The following ARHGAP23 variants were observed in gnomAD, a reference collection of about 807,000 sequenced individuals.
ARHGAP23 encodes Rho GTPase activating protein 23, also known as rho GTPase-activating protein 23.
ARHGAP23 carries 34 observed loss-of-function variants against 136.3 expected under a neutral mutation model. That is an observed-to-expected ratio of 0.25 (90% CI 0.19 to 0.33). The LOEUF is 0.33. ARHGAP23 is among the 10% of genes least tolerant of loss of function. The pLI is 1.00. For missense variants in ARHGAP23, 1,808 were observed against 2,139.0 expected, an observed-to-expected ratio of 0.85 and a Z score of 3.05; for synonymous variants, 832 against 920.5, an observed-to-expected ratio of 0.90 and a Z score of 1.74.
At chr17:38,432,946 A>G (rs2038716861) in intron 1 of ARHGAP23, among the ~76,000 whole-genome samples, 2 of 152,154 alleles carry the variant, frequency 1.3e-5, no homozygotes, top group Admixed American at 6.5e-5. Flanking sequence ...TCATTGTTTT[A>G]GCCTCGGCTT....
chr17:38,435,302 G>GGAGA (rs58034328), intron 1 of ARHGAP23, among the ~76,000 whole-genome samples: 24,815 of 151,936 alleles, frequency 0.16, 6,348 homozygotes, highest in African/African-American at 0.55. Flanking sequence ...GTGGGAGGAG[G>GGAGA]AAGGGGCCTC....
chr17:38,502,170 G>A lies in ARHGAP23; in HGVS notation c.3447+1542G>A, dbSNP rs542360730. On this transcript the variant is annotated intron_variant, in intron 23 of 23. Transcript: ENST00000622683. ...AATACAAAAAAATTAGCTGGGTGTG[G>A]TGGCATGCGCCTGTAATCCCAGCTA... Among the ~76,000 whole-genome samples, 6 of 152,282 alleles carry A rather than the reference G, an allele frequency of 3.9e-5. No homozygotes were observed. In the South Asian group the frequency reaches 1.2e-3, roughly 32 times the overall value.
chr17:38,490,469 A>C lies in ARHGAP23; in HGVS notation c.3068A>C (p.Asp1023Ala). Reference sequence around the variant, plus strand: ...CTCCTCTCTCCTGCTCAGATCCGGGATCTCCCAGGACACTACTATGAAACG... The same window carrying C: ...CTCCTCTCTCCTGCTCAGATCCGGGCTCTCCCAGGACACTACTATGAAACG... ...RMRTLRKLIR[D>A]LPGHYYETLK... Residue 1023 changes from aspartate to alanine, a missense_variant, in exon 19 of 24, where the codon GAT (aspartate) becomes GCT (alanine). Asp to Ala is a moderately radical substitution (Grantham distance 126). This residue lies in a region of ARHGAP23 where 105 missense variants were observed against 200.6 expected (regional missense o/e 0.52). Coordinates refer to ENST00000622683, the MANE Select transcript of ARHGAP23 (RefSeq NM_001199417.2). The C allele has an allele frequency of 6.5e-7, 1 of 1,548,308 alleles. No individual in the cohort carries two copies. The highest frequency in any genetic ancestry group is 2.4e-5 in the East Asian group (1 of 40,904).
Position 38,460,811 on chromosome 17 carries a change from G to A in ARHGAP23, c.226-94G>A, listed in dbSNP as rs993748251. ...TACTTGGGAGGAGATAAGGGGTGGC[G>A]GGAACCTGAAGGGGCCCTGCCCACT... On this transcript the variant is annotated intron_variant, in intron 2 of 23. Transcript: ENST00000622683. The A allele has an allele frequency of 5.9e-6, 9 of 1,535,072 alleles. No individual in the cohort carries two copies. The African/African-American group carries it at 6.8e-5, about 12-fold the overall frequency.
chr17:38,467,461 G>C (rs1041144134), intron 7 of ARHGAP23, 130 bp downstream of exon 7: 13 of 771,726 alleles, frequency 1.7e-5, no homozygotes, highest in Non-Finnish European at 2.6e-5. Context: ...TTGTTTCTCT[G>C]TCAATTCATT....
intron 3 of ARHGAP23, 112 bp downstream of exon 3, chr17:38,461,044 CT>C: frequency 6.8e-7 from 1 of 1,472,038 alleles, no homozygotes; most frequent in Admixed American, 2.2e-5. Flanking sequence ...CCTCCCTTGA[CT>C]CCTGTTCCTG....
At chr17:38,444,209 G>C (rs527997055) in intron 1 of ARHGAP23, among the ~76,000 whole-genome samples, 1 of 152,108 alleles carries the variant, frequency 6.6e-6, no homozygotes, top group African/African-American at 2.4e-5. Flanking sequence ...GGGGAGCGAG[G>C]TTGAGGGAAT....
chr17:38,479,045 C>T (rs1410451075), intron 12 of ARHGAP23, among the ~76,000 whole-genome samples: 1 of 152,200 alleles, frequency 6.6e-6, no homozygotes, highest in Admixed American at 6.5e-5. Flanking sequence ...GGGGGCCTCT[C>T]TTGGCTGTCC....
At position 38,510,851 on chromosome 17, in the gene ARHGAP23, C is replaced by T; in HGVS notation, c.4355C>T (p.Ser1452Phe). The stretch of plus-strand genomic sequence containing the variant: ...GACTCCGGACTCAGCAGCCTGGAGT[C>T]CACCAAGGCGCGGGCCCCGTCGTCC... ...NKDSGLSSLESTKARAPSSAA... is the reference protein window; with the variant it reads ...NKDSGLSSLEFTKARAPSSAA... The change falls in exon 24 of 24, where the codon TCC becomes TTC. Residue 1452 changes from serine (S) to phenylalanine (F), a missense_variant. Coordinates refer to ENST00000622683, the MANE Select transcript of ARHGAP23 (RefSeq NM_001199417.2). This position sits in a 1 kb window ranked among gnomAD's most constrained non-coding sequence, Gnocchi z 4.6. 6.6e-7 allele frequency: 1 copy of T among 1,506,574 alleles called. No homozygotes were observed. Among genetic ancestry groups the T allele is most frequent in the East Asian group, 2.7e-5 (1 of 36,618 alleles). The allele number at this position is 1,506,574 out of a possible 1,614,324, so 93.3% of individuals were successfully genotyped here. A position where few individuals can be genotyped will look rare whatever the true frequency, so the allele number is the denominator to read the frequency against.
At chr17:38,499,554 C>A (rs1055269677) in intron 22 of ARHGAP23, among the ~76,000 whole-genome samples, 1 of 152,220 alleles carries the variant, frequency 6.6e-6, no homozygotes, top group African/African-American at 2.4e-5. Context: ...CTGTTCGTCT[C>A]TGACAGAGGC....
chr17:38,479,679 C>T (rs183768757), intron 13 of ARHGAP23, 74 bp from the exon 14 acceptor site: 408 of 1,404,018 alleles, frequency 2.9e-4, no homozygotes, highest in African/African-American at 1.1e-3. Context: ...TCCCGAGGGG[C>T]GGGAGGCCAG....
chr17:38,491,581 A>G, intron 20 of ARHGAP23, 49 bp downstream of exon 20: 4 of 1,548,142 alleles, frequency 2.6e-6, no homozygotes, highest in South Asian at 1.2e-5. Flanking sequence ...GGCCCAGGCC[A>G]TGTTCCTCTG....
At position 38,477,163 on chromosome 17, in the gene ARHGAP23, C is replaced by T. The variant is rs1184029343; in HGVS notation, c.2119-416C>T. Among the ~76,000 whole-genome samples, 1 of 151,956 alleles carries T rather than the reference C, an allele frequency of 6.6e-6. No homozygotes were observed. Among genetic ancestry groups the T allele is most frequent in the Non-Finnish European group, 1.5e-5 (1 of 67,980 alleles). On this transcript the variant is annotated intron_variant, in intron 11 of 23. Coordinates refer to ENST00000622683, the MANE Select transcript of ARHGAP23 (RefSeq NM_001199417.2). The surrounding 1 kb of genome is among the most constrained non-coding windows in gnomAD (Gnocchi z 6.6). ...GCGGCAGGAAAGTGGGGAGAACAAC[C>T]CTCTAAGAGTGCGGACGGCTTCTGA...
rs577362248 is a variant in ARHGAP23, at chr17:38,482,624, C to A, written c.2853C>A (p.Ser951=). 6.5e-7 allele frequency: 1 copy of A among 1,549,732 alleles called. No individual in the cohort carries two copies. The highest frequency in any genetic ancestry group is 8.7e-7 in the Non-Finnish European group (1 of 1,146,724). The change falls in exon 16 of 24, where the codon TCC becomes TCA. Residue 951 remains serine, a synonymous_variant. Transcript: ENST00000622683. The part of the protein sequence containing the change: ...YRVPGNNAVV[S]SLQEQLNRGP... ...TGCCCGGCAACAATGCAGTGGTGTC[C>A]AGCCTACAGGAGCAGCTCAACCGCG...
Position 38,463,495 on chromosome 17 carries a change from T to A in ARHGAP23, c.483+113T>A. 2.3e-6 allele frequency: 3 copies of A among 1,288,488 alleles called. No homozygotes were observed. In the East Asian group the frequency reaches 7.6e-5, roughly 33 times the overall value. 79.8% of individuals were successfully genotyped at this position (1,288,488 alleles called of 1,614,324 possible). The stretch of plus-strand genomic sequence containing the variant: ...GAGGGCACAGGCCGACATTGCCCAG[T>A]TGGGGATGCCAGGCCCCTCCCTGGG... On this transcript the variant is annotated intron_variant, in intron 6 of 23. Transcript: ENST00000622683.
upstream of ARHGAP23, among the ~76,000 whole-genome samples, chr17:38,427,462 G>GAAA: frequency 6.9e-6 from 1 of 144,766 alleles, no homozygotes; most frequent in African/African-American, 2.5e-5. Context: ...AGACCCTGCC[G>GAAA]AAAAAAAAAA....
In ARHGAP23 at chr17:38,510,164, C is replaced by T; in HGVS notation, c.3668C>T (p.Pro1223Leu). The change falls in exon 24 of 24, where the codon CCC (proline) becomes CTC (leucine). Residue 1223 changes from proline (P) to leucine (L), a missense_variant. Around this residue, in one of 7 missense-constraint regions of ARHGAP23, gnomAD observed 506 missense variants for 455.8 expected, o/e 1.11. Coordinates refer to ENST00000622683, the MANE Select transcript of ARHGAP23 (RefSeq NM_001199417.2). This position sits in a 1 kb window ranked among gnomAD's most constrained non-coding sequence, Gnocchi z 4.6. ...PQGPLPGAVA[P>L]EAPGRLSPPA... The stretch of plus-strand genomic sequence containing the variant: ...GGGCCGCTGCCTGGCGCCGTCGCCC[C>T]CGAGGCCCCCGGACGCCTCAGTCCC... 1.5e-6 allele frequency: 2 copies of T among 1,294,390 alleles called. No homozygotes were observed. Among genetic ancestry groups the T allele is most frequent in the Non-Finnish European group, 9.7e-7 (1 of 1,029,838 alleles). 80.2% of individuals were successfully genotyped at this position (1,294,390 alleles called of 1,614,324 possible). A position where few individuals can be genotyped will look rare whatever the true frequency, so the allele number is the denominator to read the frequency against.
intron 1 of ARHGAP23, among the ~76,000 whole-genome samples, chr17:38,448,927 C>T (rs1268934618): frequency 1.4e-5 from 2 of 147,212 alleles, no homozygotes; most frequent in East Asian, 3.9e-4. Context: ...AGGTGATCCT[C>T]CCCACCTCAG....
At chr17:38,465,119 GGATGCTGCCGCCGCCGT>G (rs1752655604) in intron 6 of ARHGAP23, among the ~76,000 whole-genome samples, 1 of 152,018 alleles carries the variant, frequency 6.6e-6, no homozygotes, top group Non-Finnish European at 1.5e-5. Flanking sequence ...AGGCGGGCTG[GGATGCTGCCGCCGCCGT>G]GATGATGCCG....
Sources: gnomAD v4.1 joint callset for allele counts (sites outside exome capture counted in the v4.1 genomes callset) on GRCh38, gnomAD v4.1.1 for gene constraint, gnomAD v4.1.1 regional missense constraint, Gnocchi (gnomAD v3.1) non-coding constraint, MANE v1.5 for transcripts, NCBI Gene and HGNC (gene_info 2026-07-23, HGNC 2026-07-21) for gene names.